LYST: variants seen among roughly 807,000 people sequenced by gnomAD.
LYST encodes lysosomal trafficking regulator, also known as lysosomal-trafficking regulator.
LYST carries 192 observed loss-of-function variants against 413.6 expected under a neutral mutation model. That is an observed-to-expected ratio of 0.46 (90% CI 0.41 to 0.52). The LOEUF (loss-of-function observed/expected upper bound fraction) is 0.52, where lower values mean the gene tolerates loss of function less well. LYST is among the 20% of genes least tolerant of loss of function. The probability of loss-of-function intolerance (pLI) is 0.00; values close to 1 mark genes in which losing one functional copy is unlikely to be tolerated. For synonymous variants in LYST, 1,525 were observed against 1,567.3 expected, an observed-to-expected ratio of 0.97 and a Z score of 0.64; for missense variants, 3,815 against 4,499.9, an observed-to-expected ratio of 0.85 and a Z score of 4.35.
At chr1:235,700,278 A>C (rs959216111) in intron 45 of LYST, among the ~76,000 whole-genome samples, 17 of 152,228 alleles carry the variant, frequency 1.1e-4, no homozygotes, top group African/African-American at 3.9e-4. Context: ...AGAGACTACC[A>C]TCAGAGTGAA....
intron 1 of LYST, among the ~76,000 whole-genome samples, chr1:235,878,439 A>G (rs1413583182): frequency 6.6e-6 from 1 of 152,142 alleles, no homozygotes; most frequent in Non-Finnish European, 1.5e-5. Context: ...ACCCCCTTGG[A>G]CACATGTTCC....
intron 1 of LYST, chr1:235,840,011 C>A (rs143892570): frequency 3.9e-5 from 6 of 152,046 alleles, no homozygotes; most frequent in Non-Finnish European, 2.9e-5. Context: ...ACCTTTTCTT[C>A]GAATTTTAGG....
intron 21 of LYST, 28 bp from the exon 22 acceptor site, chr1:235,762,879 CA>C: frequency 6.2e-7 from 1 of 1,600,244 alleles, no homozygotes; most frequent in Non-Finnish European, 8.6e-7. Context: ...TTTGAAACAG[CA>C]AAATTTTTAA....
At chr1:235,681,608 G>A (rs184732632) in intron 48 of LYST, among the ~76,000 whole-genome samples, 1 of 152,226 alleles carries the variant, frequency 6.6e-6, no homozygotes, top group East Asian at 1.9e-4. Flanking sequence ...AATGAGCTGG[G>A]GCAATGGTCA....
Position 235,830,314 on chromosome 1 carries a change from T to A in LYST, c.104A>T (p.Glu35Val). ...QRVEAREEEE[E>V]ETHMATLGQY... is the part of the protein sequence containing the mutation. Reference sequence around the variant, plus strand: ...TCCAAGGGTTGCCATGTGCGTCTCCTCCTCTTCTTCCTCCCTGGCCTCCAC... The same window carrying A: ...TCCAAGGGTTGCCATGTGCGTCTCCACCTCTTCTTCCTCCCTGGCCTCCAC... The change falls in exon 3 of 53, where the codon GAG becomes GTG. Residue 35 changes from glutamate to valine, a missense_variant. This residue lies in a region of LYST where 1,648 missense variants were observed against 1,810.3 expected (regional missense o/e 0.91). Coordinates refer to ENST00000389793, the MANE Select transcript of LYST (RefSeq NM_000081.4). The A allele has an allele frequency of 6.2e-7, 1 of 1,613,962 alleles. No homozygotes were observed. Among genetic ancestry groups the A allele is most frequent in the Non-Finnish European group, 8.5e-7 (1 of 1,179,874 alleles).
chr1:235,667,330 A>G (rs921807582), intron 50 of LYST, among the ~76,000 whole-genome samples: 4 of 152,216 alleles, frequency 2.6e-5, no homozygotes, highest in Non-Finnish European at 5.9e-5. Context: ...TCAAAGGCAT[A>G]TATTTTGATC....
intron 44 of LYST, among the ~76,000 whole-genome samples, chr1:235,708,529 A>T (rs138790361): frequency 0.013 from 1,905 of 152,254 alleles, 14 homozygotes; most frequent in Admixed American, 0.019. Context: ...AAACTGTACA[A>T]ACAATGCAGT....
At chr1:235,805,637 ATT>A (rs1553304867) in intron 6 of LYST, 104 bp downstream of exon 6, 3 of 376,344 alleles carry the variant, frequency 8.0e-6, no homozygotes, top group African/African-American at 6.4e-5. Flanking sequence ...TAATATATAT[ATT>A]ACATATATTA....
At chr1:235,773,694 A>G (rs2103436084) in intron 19 of LYST, 148 bp downstream of exon 19, 1 of 666,900 alleles carries the variant, frequency 1.5e-6, no homozygotes, top group Non-Finnish European at 2.6e-6. Context: ...AAAAAGATTT[A>G]CAGAGATGGA....
chr1:235,829,793 T>C (rs1675748474), intron 3 of LYST: 1 of 165,368 alleles, frequency 6.0e-6, no homozygotes, highest in Non-Finnish European at 1.3e-5. Flanking sequence ...ACTCAGTAAT[T>C]ATTAGTTCAC....
chr1:235,731,843 C>T (rs1160154110), intron 34 of LYST, among the ~76,000 whole-genome samples: 1 of 152,100 alleles, frequency 6.6e-6, no homozygotes, highest in Non-Finnish European at 1.5e-5. Flanking sequence ...CAGGCGTGAG[C>T]GCCCTCACCT....
chr1:235,866,955 C>G (rs1212382811), upstream of LYST: 5 of 153,108 alleles, frequency 3.3e-5, no homozygotes, highest in Non-Finnish European at 4.4e-5. Flanking sequence ...CCAGGTAACC[C>G]AGGAAACCGA....
At chr1:235,778,122 T>TATATATATATATATATATATATA (rs1558230944) in intron 16 of LYST, among the ~76,000 whole-genome samples, 7 of 144,802 alleles carry the variant, frequency 4.8e-5, no homozygotes, top group African/African-American at 1.9e-4. Flanking sequence ...TATATATATA[T>TATATATATATATATATATATATA]TTTTGTAGAG....
At chr1:235,739,709 GAGACTT>G (rs1474161612) in intron 31 of LYST, among the ~76,000 whole-genome samples, 1 of 151,976 alleles carries the variant, frequency 6.6e-6, no homozygotes, top group Non-Finnish European at 1.5e-5. Context: ...GATGGAATGA[GAGACTT>G]AGAGAAATCA....
chr1:235,775,135 T>C, intron 17 of LYST, 49 bp from the exon 18 acceptor site: 1 of 1,374,580 alleles, frequency 7.3e-7, no homozygotes, highest in Non-Finnish European at 1.0e-6. Context: ...TTGCTGAGAG[T>C]AAAAATTTAA....
At chr1:235,836,063 T>C (rs1312649627) in intron 1 of LYST, among the ~76,000 whole-genome samples, 2 of 152,216 alleles carry the variant, frequency 1.3e-5, no homozygotes, top group Non-Finnish European at 2.9e-5. Context: ...ATCATATAAA[T>C]GACCTCCTCA....
chr1:235,714,934 G>A (rs765300935), intron 42 of LYST, among the ~76,000 whole-genome samples: 24 of 152,132 alleles, frequency 1.6e-4, no homozygotes, highest in Non-Finnish European at 2.9e-4. Context: ...TATGGTTTGT[G>A]AATTATATCT....
At chr1:235,876,066 T>C (rs1681119010) in intron 1 of LYST, among the ~76,000 whole-genome samples, 1 of 149,694 alleles carries the variant, frequency 6.7e-6, no homozygotes, top group South Asian at 2.1e-4. Flanking sequence ...CTACTAAAAA[T>C]ACAAAAATTA....
intron 1 of LYST, among the ~76,000 whole-genome samples, chr1:235,863,113 C>T (rs1425533755): frequency 6.6e-6 from 1 of 151,842 alleles, no homozygotes; most frequent in African/African-American, 2.4e-5. Context: ...TTGAACTTGG[C>T]CCAGCACGGT....
Sources: allele counts gnomAD v4.1 joint callset (sites outside exome capture counted in the v4.1 genomes callset), GRCh38; gene constraint gnomAD v4.1.1; regional missense constraint gnomAD v4.1.1; transcripts MANE v1.5; gene names NCBI Gene and HGNC (gene_info 2026-07-23, HGNC 2026-07-21).